The following PRKCE variants were observed in gnomAD, a reference collection of about 807,000 sequenced individuals.
PRKCE encodes protein kinase C epsilon type.
In PRKCE, 16 loss-of-function variants were observed where a neutral mutation model predicts 85.4. The ratio of observed to expected loss-of-function variants is 0.19; its 90% CI spans 0.13 to 0.28. The LOEUF (loss-of-function observed/expected upper bound fraction) is 0.28. Ranked by LOEUF, PRKCE falls within the 10% of genes least tolerant of loss-of-function variation. The probability of loss-of-function intolerance (pLI) is 1.00; values close to 1 mark genes in which losing one functional copy is unlikely to be tolerated. For synonymous variants in PRKCE, 388 were observed against 371.5 expected, an observed-to-expected ratio of 1.04 and a Z score of -0.51; for missense variants, 573 against 975.2, an observed-to-expected ratio of 0.59 and a Z score of 5.49.
At chr2:46,079,740 C>T (rs1163041464) in intron 10 of PRKCE, among the ~76,000 whole-genome samples, 1 of 152,216 alleles carries the variant, frequency 6.6e-6, no homozygotes, top group Non-Finnish European at 1.5e-5. Context: ...AGAAACCTAA[C>T]TGCTGCTAAG....
chr2:45,767,955 A>G (rs1190652359), intron 1 of PRKCE, among the ~76,000 whole-genome samples: 1 of 152,218 alleles, frequency 6.6e-6, no homozygotes, highest in African/African-American at 2.4e-5. Context: ...TTGGCTTGAT[A>G]CCAAGCAGAG....
intron 2 of PRKCE, among the ~76,000 whole-genome samples, chr2:45,918,713 G>A (rs1698018297): frequency 1.3e-5 from 2 of 152,142 alleles, no homozygotes; most frequent in Non-Finnish European, 2.9e-5. Context: ...ACTTTTCATG[G>A]GCCAGAGTCC....
intron 12 of PRKCE, among the ~76,000 whole-genome samples, chr2:46,148,234 C>T (rs770340430): frequency 1.2e-4 from 18 of 152,256 alleles, no homozygotes; most frequent in South Asian, 2.1e-4. Context: ...TCCCTTCTCC[C>T]GAGCTCTGAC....
intron 1 of PRKCE, among the ~76,000 whole-genome samples, chr2:45,741,105 G>A (rs919566492): frequency 2.4e-4 from 36 of 152,192 alleles, no homozygotes; most frequent in Non-Finnish European, 7.3e-5. Context: ...TAGTGGAATT[G>A]ATACATTTGA....
At chr2:46,167,137 G>A (rs775419551) in intron 14 of PRKCE, among the ~76,000 whole-genome samples, 76 of 152,302 alleles carry the variant, frequency 5.0e-4, no homozygotes, top group African/African-American at 1.5e-3. Context: ...AGAATCAAGA[G>A]TTAAGAATTG....
intron 10 of PRKCE, among the ~76,000 whole-genome samples, chr2:46,062,278 G>A (rs1486851415): frequency 1.3e-5 from 2 of 152,162 alleles, no homozygotes; most frequent in African/African-American, 2.4e-5. Context: ...TTGAGGATAG[G>A]GTTTTAGCCT....
intron 1 of PRKCE, among the ~76,000 whole-genome samples, chr2:45,817,066 A>AGAGTGTGTGTGT (rs374200877): frequency 1.5e-5 from 2 of 135,788 alleles, no homozygotes; most frequent in African/African-American, 5.7e-5. Context: ...CTGTAAGTAG[A>AGAGTGTGTGTGT]GTGTGTGTGT....
chr2:45,985,848 A>C (rs1168814161), intron 6 of PRKCE, among the ~76,000 whole-genome samples: 6 of 152,230 alleles, frequency 3.9e-5, no homozygotes, highest in African/African-American at 1.4e-4. Context: ...GCAAATTGAC[A>C]CGAAGCTGTC....
At chr2:45,947,313 T>C (rs1700308061) in intron 2 of PRKCE, among the ~76,000 whole-genome samples, 1 of 150,494 alleles carries the variant, frequency 6.6e-6, no homozygotes, top group South Asian at 2.1e-4. Context: ...AGCCAGGGGG[T>C]GGGGGAGAGA....
intron 1 of PRKCE, among the ~76,000 whole-genome samples, chr2:45,764,014 C>T (rs1684719586): frequency 6.6e-6 from 1 of 152,188 alleles, no homozygotes; most frequent in African/African-American, 2.4e-5. Context: ...TTTTTAGTAT[C>T]AACCACAGAA....
rs556341029 is a variant in PRKCE, at chr2:45,725,779, C to T, written c.348+73331C>T. 9.9e-5 allele frequency among the ~76,000 whole-genome samples: 15 copies of T among 151,566 alleles called. No homozygotes were observed. The East Asian group carries it at 2.9e-3, about 29-fold the overall frequency. ...CCGGGAGGCGGAGGTTGCAGTGAAC[C>T]GAGATCACATCACTGTACTCTAGCC... On this transcript the variant is annotated intron_variant, in intron 1 of 14. Transcript: ENST00000306156.
At chr2:45,910,052 CA>C (rs1297224999) in intron 2 of PRKCE, among the ~76,000 whole-genome samples, 1 of 151,924 alleles carries the variant, frequency 6.6e-6, no homozygotes, top group Admixed American at 6.6e-5. Context: ...CGCCCCCCCC[CA>C]GCCAAGTGCC....
intron 1 of PRKCE, among the ~76,000 whole-genome samples, chr2:45,661,879 T>C (rs1319784970): frequency 6.6e-6 from 1 of 152,018 alleles, no homozygotes; most frequent in East Asian, 1.9e-4. Context: ...AATCTAGAAC[T>C]AATTATTGAG....
At position 46,068,062 on chromosome 2, in the gene PRKCE, G is replaced by A. The variant is rs1008412313; in HGVS notation, c.1438-18146G>A. Among the ~76,000 whole-genome samples, 3 of 152,130 alleles carry A rather than the reference G, an allele frequency of 2.0e-5. No homozygotes were observed. The highest frequency in any genetic ancestry group is 4.8e-5 in the African/African-American group (2 of 41,426). ...TCAGAAGGCAATGGAAACATCTTTC[G>A]TTTTCATTGTTCAGAGAGAGACTGG... On this transcript the variant is annotated intron_variant, in intron 10 of 14. Transcript: ENST00000306156. The surrounding 1 kb of genome is among the most constrained non-coding windows in gnomAD (Gnocchi z 4.3).
intron 10 of PRKCE, among the ~76,000 whole-genome samples, chr2:46,017,238 G>C (rs1175446726): frequency 2.0e-5 from 3 of 151,968 alleles, no homozygotes; most frequent in Non-Finnish European, 2.9e-5. Context: ...ACAGCCCTTG[G>C]CAACAGCCAC....
chr2:45,913,569 G>A (rs1697535397), intron 2 of PRKCE, among the ~76,000 whole-genome samples: 1 of 152,208 alleles, frequency 6.6e-6, no homozygotes, highest in South Asian at 2.1e-4. Context: ...ATGTACCTTT[G>A]AGAGCTGCTT....
At chr2:46,013,818 A>G (rs1339656095) in intron 10 of PRKCE, among the ~76,000 whole-genome samples, 1 of 152,216 alleles carries the variant, frequency 6.6e-6, no homozygotes, top group Non-Finnish European at 1.5e-5. Context: ...TTCCTTTGAG[A>G]ACTTCTTCTG....
chr2:45,717,990 G>A (rs1347269382), intron 1 of PRKCE, among the ~76,000 whole-genome samples: 1 of 152,188 alleles, frequency 6.6e-6, no homozygotes, highest in East Asian at 1.9e-4. Context: ...CTGGTGGCTG[G>A]TTCTATAAGA....
chr2:45,684,152 C>G (rs1325866489), intron 1 of PRKCE, among the ~76,000 whole-genome samples: 1 of 152,198 alleles, frequency 6.6e-6, no homozygotes, highest in Non-Finnish European at 1.5e-5. Flanking sequence ...GATGGTGTCT[C>G]TCTACCTCAT....
Sources: gnomAD v4.1 joint callset for allele counts (sites outside exome capture counted in the v4.1 genomes callset) on GRCh38, gnomAD v4.1.1 for gene constraint, Gnocchi (gnomAD v3.1) non-coding constraint, MANE v1.5 for transcripts, NCBI Gene and HGNC (gene_info 2026-07-23, HGNC 2026-07-21) for gene names.